The following SLC16A10 variants were observed in gnomAD, a reference collection of about 807,000 sequenced individuals.
SLC16A10 encodes solute carrier family 16 member 10, also known as monocarboxylate transporter 10.
Under a neutral mutation model 40.0 loss-of-function variants are expected in SLC16A10, and 27 were observed. The observed-to-expected ratio is 0.67, with a 90% CI of 0.50 to 0.93. The LOEUF is 0.93. Ranked by LOEUF, SLC16A10 falls within the 40% of genes least tolerant of loss-of-function variation. The probability of loss-of-function intolerance (pLI) is 0.00; values close to 1 mark genes in which losing one functional copy is unlikely to be tolerated. For missense variants in SLC16A10, 529 were observed against 658.2 expected (o/e 0.80, Z 2.15); for synonymous variants, 213 against 249.8 (o/e 0.85, Z 1.39).
chr6:111,198,418 T>C (rs938274282), intron 3 of SLC16A10, among the ~76,000 whole-genome samples: 1 of 152,258 alleles, frequency 6.6e-6, no homozygotes, highest in Non-Finnish European at 1.5e-5. Context: ...ACAATGAGGA[T>C]ATGTTCTGAG....
chr6:111,130,571 A>G (rs973797185), intron 1 of SLC16A10, among the ~76,000 whole-genome samples: 5 of 152,062 alleles, frequency 3.3e-5, no homozygotes, highest in African/African-American at 1.2e-4. Flanking sequence ...GCTTGGTAGC[A>G]TTACCTCTGC....
chr6:111,228,758 G>A lies in SLC16A10; in HGVS notation c.*6523G>A, dbSNP rs76198205. 15,808 of 152,054 alleles carry A rather than the reference G, an allele frequency of 0.1. 1,021 individuals carry two copies. Among genetic ancestry groups the A allele is most frequent in the East Asian group, 0.32 (1,682 of 5,178 alleles). 9.4% of individuals were successfully genotyped at this position (152,054 alleles called of 1,614,324 possible). ...TTATTAATAGTGCTGGGCCGGGCACGGTGACTCATGCCTGTAATCCCAGCA... is the reference window on the plus strand; with the variant it reads ...TTATTAATAGTGCTGGGCCGGGCACAGTGACTCATGCCTGTAATCCCAGCA... On this transcript the variant is annotated 3_prime_UTR_variant, in exon 6 of 6. Transcript: ENST00000368851.
At chr6:111,143,335 C>T (rs9320361) in intron 1 of SLC16A10, among the ~76,000 whole-genome samples, 12,312 of 151,944 alleles carry the variant, frequency 0.081, 1,571 homozygotes, top group African/African-American at 0.27. Context: ...CTCAGCCTCC[C>T]GAAGTGCTGG....
In SLC16A10 at chr6:111,218,901, A is replaced by G. The variant is rs374926181; in HGVS notation, c.1174A>G (p.Met392Val). Residue 392 changes from methionine to valine, a missense_variant, in exon 5 of 6, where the codon ATG becomes GTG. Coordinates refer to ENST00000368851, the MANE Select transcript of SLC16A10 (RefSeq NM_018593.5). Reference sequence around the variant, plus strand: ...GGCCCTCATTGCTGTGTGCCTCATCATGGGTCTCTTCGATGGATGCTTCAT... The same window carrying G: ...GGCCCTCATTGCTGTGTGCCTCATCGTGGGTCTCTTCGATGGATGCTTCAT... ...FGALIAVCLIMGLFDGCFISI... is the reference protein window; with the variant it reads ...FGALIAVCLIVGLFDGCFISI... 1.2e-6 allele frequency: 2 copies of G among 1,613,952 alleles called. No homozygotes were observed. Among genetic ancestry groups the G allele is most frequent in the Non-Finnish European group, 1.7e-6 (2 of 1,179,988 alleles).
At chr6:111,214,116 T>G (rs761426797) in intron 4 of SLC16A10, among the ~76,000 whole-genome samples, 3 of 152,210 alleles carry the variant, frequency 2.0e-5, no homozygotes, top group Non-Finnish European at 2.9e-5. Context: ...CTCATGTGCA[T>G]ACACTAACTC....
chr6:111,177,238 A>T lies in SLC16A10; in HGVS notation c.515A>T (p.Tyr172Phe). ...TCCATCGAGCCTCTGTACCTTACCT[A>T]TGGAATCATATTTGCCTGCGGCTGC... is the stretch of plus-strand genomic sequence containing the variant. ...VSSIEPLYLTYGIIFACGCSF... is the reference protein window; with the variant it reads ...VSSIEPLYLTFGIIFACGCSF... Residue 172 changes from tyrosine to phenylalanine, a missense_variant, in exon 3 of 6, where the codon TAT becomes TTT. By Grantham distance (22) the Tyr-to-Phe change is conservative (BLOSUM62 3). Coordinates refer to ENST00000368851, the MANE Select transcript of SLC16A10 (RefSeq NM_018593.5). 6.4e-7 allele frequency: 1 copy of T among 1,565,020 alleles called. No individual in the cohort carries two copies.
intron 1 of SLC16A10, among the ~76,000 whole-genome samples, chr6:111,142,450 A>T (rs1435627548): frequency 2.0e-5 from 3 of 152,220 alleles, no homozygotes; most frequent in Non-Finnish European, 4.4e-5. Flanking sequence ...GAATGAGAAG[A>T]CTTGGAAAAT....
chr6:111,115,421 C>G (rs1476437452), intron 1 of SLC16A10, among the ~76,000 whole-genome samples: 1 of 152,198 alleles, frequency 6.6e-6, no homozygotes, highest in Non-Finnish European at 1.5e-5. Flanking sequence ...GTTGGCCAGG[C>G]TGGTCTTGAA....
chr6:111,216,513 C>T (rs1773423299), intron 4 of SLC16A10, among the ~76,000 whole-genome samples: 1 of 151,876 alleles, frequency 6.6e-6, no homozygotes, highest in Admixed American at 6.6e-5. Context: ...ACGCCATTCT[C>T]CTGCCTCAGC....
At chr6:111,137,521 G>T (rs149898617) in intron 1 of SLC16A10, among the ~76,000 whole-genome samples, 1 of 152,196 alleles carries the variant, frequency 6.6e-6, no homozygotes, top group Non-Finnish European at 1.5e-5. Flanking sequence ...AGCTACAAAT[G>T]GTTCTTCAAA....
intron 1 of SLC16A10, among the ~76,000 whole-genome samples, chr6:111,152,420 G>A (rs545432180): frequency 6.6e-6 from 1 of 152,330 alleles, no homozygotes; most frequent in Admixed American, 6.5e-5. Context: ...TGAAGGTGTT[G>A]CATACAAATT....
chr6:111,145,854 C>A (rs1209496942), intron 1 of SLC16A10, among the ~76,000 whole-genome samples: 2 of 152,114 alleles, frequency 1.3e-5, no homozygotes, highest in Non-Finnish European at 2.9e-5. Flanking sequence ...GTCTGCTCCA[C>A]CCCTCCTCCA....
chr6:111,141,703 A>G (rs1004011090), intron 1 of SLC16A10, among the ~76,000 whole-genome samples: 2 of 152,180 alleles, frequency 1.3e-5, no homozygotes, highest in African/African-American at 4.8e-5. Flanking sequence ...CATTTACATT[A>G]GCACCCCTCA....
At chr6:111,122,693 G>T (rs751272585) in intron 1 of SLC16A10, among the ~76,000 whole-genome samples, 1 of 152,050 alleles carries the variant, frequency 6.6e-6, no homozygotes, top group Non-Finnish European at 1.5e-5. Flanking sequence ...TTCTTTTTTG[G>T]TGGTGGTGGG....
intron 3 of SLC16A10, among the ~76,000 whole-genome samples, chr6:111,198,424 C>A (rs1773114955): frequency 6.6e-6 from 1 of 152,200 alleles, no homozygotes; most frequent in South Asian, 2.1e-4. Flanking sequence ...AGGATATGTT[C>A]TGAGAAATGC....
At chr6:111,221,160 G>A (rs965896327) in intron 5 of SLC16A10, among the ~76,000 whole-genome samples, 18 of 152,254 alleles carry the variant, frequency 1.2e-4, no homozygotes, top group African/African-American at 4.3e-4. Context: ...AGTTATAAGA[G>A]TTTAAAAACA....
chr6:111,115,007 G>A (rs1771460099), intron 1 of SLC16A10, among the ~76,000 whole-genome samples: 1 of 151,970 alleles, frequency 6.6e-6, no homozygotes, highest in Non-Finnish European at 1.5e-5. Context: ...AGTTGCAGAA[G>A]CCTGTATGTA....
intron 1 of SLC16A10, among the ~76,000 whole-genome samples, chr6:111,150,037 C>T (rs1772145983): frequency 6.6e-6 from 1 of 152,190 alleles, no homozygotes; most frequent in African/African-American, 2.4e-5. Flanking sequence ...TGACTTAATC[C>T]TATGGGCTGA....
At chr6:111,101,929 C>T (rs1454209112) in intron 1 of SLC16A10, among the ~76,000 whole-genome samples, 1 of 152,210 alleles carries the variant, frequency 6.6e-6, no homozygotes, top group East Asian at 1.9e-4. Context: ...CAGAATTATA[C>T]ATTTATATGT....
Sources: gnomAD v4.1 joint callset for allele counts (sites outside exome capture counted in the v4.1 genomes callset) on GRCh38, gnomAD v4.1.1 for gene constraint, MANE v1.5 for transcripts, NCBI Gene and HGNC (gene_info 2026-07-23, HGNC 2026-07-21) for gene names.